The following RAI1 variants were observed in gnomAD, a reference collection of about 807,000 sequenced individuals.
RAI1 encodes retinoic acid induced 1, also known as retinoic acid-induced protein 1.
In RAI1, 9 loss-of-function variants were observed where a neutral mutation model predicts 123.8. The observed-to-expected ratio is 0.07, with a 90% CI of 0.04 to 0.13. The LOEUF is 0.13. Among genes scored for constraint, RAI1 ranks in the 10% least tolerant of loss-of-function variants. RAI1 has a pLI of 1.00. For synonymous variants in RAI1, 1,231 were observed against 1,127.3 expected (o/e 1.09, Z -1.84); for missense variants, 2,256 against 2,545.8 (o/e 0.89, Z 2.45).
At chr17:17,761,894 A>G (rs987100964) in intron 2 of RAI1, among the ~76,000 whole-genome samples, 1 of 152,050 alleles carries the variant, frequency 6.6e-6, no homozygotes, top group South Asian at 2.1e-4. Flanking sequence ...GGGGGATGGA[A>G]AGGTCTCAGG....
intron 2 of RAI1, among the ~76,000 whole-genome samples, chr17:17,781,133 A>C (rs1160436443): frequency 6.6e-6 from 1 of 152,070 alleles, no homozygotes; most frequent in African/African-American, 2.4e-5. Flanking sequence ...AGAGAACTCC[A>C]TCTCAGGTTC....
intron 1 of RAI1, among the ~76,000 whole-genome samples, chr17:17,699,558 G>A (rs1264463269): frequency 1.4e-5 from 2 of 140,336 alleles, no homozygotes; most frequent in Non-Finnish European, 3.1e-5. Context: ...GACTGAGATG[G>A]CAAAGTGGTG....
intron 1 of RAI1, chr17:17,683,642 C>T (rs1394773559): frequency 1.3e-5 from 2 of 152,230 alleles, no homozygotes; most frequent in African/African-American, 4.8e-5. Context: ...CAGGCTCAGC[C>T]CCATAACTCT....
intron 2 of RAI1, among the ~76,000 whole-genome samples, chr17:17,785,628 C>T (rs967937720): frequency 1.3e-5 from 2 of 152,182 alleles, no homozygotes; most frequent in Admixed American, 6.5e-5. Context: ...AGGTTCTCAC[C>T]GCCTCTGGAA....
intron 2 of RAI1, among the ~76,000 whole-genome samples, chr17:17,741,252 A>T (rs1472481119): frequency 2.6e-5 from 4 of 152,182 alleles, no homozygotes; most frequent in Non-Finnish European, 5.9e-5. Flanking sequence ...AGAGAAAAAA[A>T]GAGAGAGAAA....
chr17:17,706,151 G>A (rs778716456), intron 1 of RAI1, among the ~76,000 whole-genome samples: 3 of 151,996 alleles, frequency 2.0e-5, no homozygotes, highest in Non-Finnish European at 2.9e-5. Flanking sequence ...CACGGTGCTT[G>A]CCCAGAGGTC....
chr17:17,751,102 C>CT (rs2030151267), intron 2 of RAI1, among the ~76,000 whole-genome samples: 1 of 152,198 alleles, frequency 6.6e-6, no homozygotes, highest in African/African-American at 2.4e-5. Context: ...GCATGTTGGC[C>CT]TTTCTGCCCC....
chr17:17,797,000 CCT>C lies in RAI1; in HGVS notation c.4056_4057del (p.Pro1353TrpfsTer2). 6.2e-7 allele frequency: 1 copy of C among 1,613,866 alleles called. No homozygotes were observed. ...AAGTTCGCATGTAAAGCGCCAGGGG[CCT>C]CTCCTGGTAATCCTCTGAGCCCATC... is the stretch of plus-strand genomic sequence containing the variant. On this transcript the variant is annotated frameshift_variant, in exon 3 of 6. Coordinates refer to ENST00000353383, the MANE Select transcript of RAI1 (RefSeq NM_030665.4). This position sits in a 1 kb window ranked among gnomAD's most constrained non-coding sequence, Gnocchi z 5.8.
chr17:17,761,813 G>A (rs900288439), intron 2 of RAI1, among the ~76,000 whole-genome samples: 11 of 152,126 alleles, frequency 7.2e-5, no homozygotes, highest in Non-Finnish European at 1.5e-4. Context: ...ACTGGGGCCT[G>A]GGCAGCATCT....
intron 1 of RAI1, among the ~76,000 whole-genome samples, chr17:17,720,566 T>G (rs943687439): frequency 2.6e-5 from 4 of 152,192 alleles, no homozygotes; most frequent in Admixed American, 6.5e-5. Flanking sequence ...TTGGGGTCCA[T>G]GCACACTTAG....
chr17:17,748,790 G>T (rs2030029930), intron 2 of RAI1, among the ~76,000 whole-genome samples: 1 of 152,180 alleles, frequency 6.6e-6, no homozygotes, highest in Admixed American at 6.5e-5. Flanking sequence ...GAGCCTGAAA[G>T]CTGGCGGCAG....
At chr17:17,698,727 G>C (rs1276992687) in intron 1 of RAI1, among the ~76,000 whole-genome samples, 1 of 152,222 alleles carries the variant, frequency 6.6e-6, no homozygotes. Flanking sequence ...AGCTTGGGGA[G>C]GTAGGAAAGC....
chr17:17,791,346 TG>T (rs1048507109), intron 2 of RAI1, among the ~76,000 whole-genome samples: 1 of 152,172 alleles, frequency 6.6e-6, no homozygotes, highest in African/African-American at 2.4e-5. Flanking sequence ...GCACTTGTGG[TG>T]GGGTCCGGGC....
intron 2 of RAI1, among the ~76,000 whole-genome samples, chr17:17,781,025 C>T (rs1407247865): frequency 1.3e-5 from 2 of 152,326 alleles, no homozygotes; most frequent in East Asian, 3.9e-4. Flanking sequence ...AGGCTTCTTA[C>T]CTCTCTGCTG....
At chr17:17,754,714 A>G (rs929780504) in intron 2 of RAI1, among the ~76,000 whole-genome samples, 3 of 152,126 alleles carry the variant, frequency 2.0e-5, no homozygotes, top group African/African-American at 7.2e-5. Flanking sequence ...AGTTCCTGGT[A>G]CTCCAGAGCC....
At position 17,793,010 on chromosome 17, in the gene RAI1, C is replaced by T. The variant is rs1226187697; in HGVS notation, c.62C>T (p.Ser21Leu). 15 of 1,613,956 alleles carry T rather than the reference C, an allele frequency of 9.3e-6. No homozygotes were observed. The highest frequency in any genetic ancestry group is 2.2e-5 in the East Asian group (1 of 44,872). Residue 21 changes from serine to leucine, a missense_variant, in exon 3 of 6, where the codon TCG becomes TTG. Coordinates refer to ENST00000353383, the MANE Select transcript of RAI1 (RefSeq NM_030665.4). The part of the protein sequence containing the change: ...HGKQQNYQQT[S>L]QETSRLENYR... ...AAACAACAGAACTACCAGCAGACCT[C>T]GCAGGAAACATCACGCCTAGAGAAT... is the stretch of plus-strand genomic sequence containing the variant.
At chr17:17,700,184 G>C (rs145093395) in intron 1 of RAI1, among the ~76,000 whole-genome samples, 62 of 152,240 alleles carry the variant, frequency 4.1e-4, no homozygotes, top group Admixed American at 1.5e-3. Flanking sequence ...CTTTGGGAAA[G>C]CACATCTGCT....
At chr17:17,798,981 CCT>C (rs148455730) in intron 3 of RAI1, among the ~76,000 whole-genome samples, 11,431 of 152,224 alleles carry the variant, frequency 0.075, 580 homozygotes, top group African/African-American at 0.14. Flanking sequence ...TCAGGAAGAC[CCT>C]CTCTGGCGAC....
At chr17:17,738,086 G>T (rs1245296600) in intron 2 of RAI1, among the ~76,000 whole-genome samples, 1 of 152,092 alleles carries the variant, frequency 6.6e-6, no homozygotes, top group Non-Finnish European at 1.5e-5. Flanking sequence ...GCAGGGTCAA[G>T]GGGGCCAGTA....
Sources: allele counts gnomAD v4.1 joint callset (sites outside exome capture counted in the v4.1 genomes callset), GRCh38; gene constraint gnomAD v4.1.1; non-coding constraint Gnocchi (gnomAD v3.1); transcripts MANE v1.5; gene names NCBI Gene and HGNC (gene_info 2026-07-23, HGNC 2026-07-21).